ERICH1: variants seen among roughly 807,000 people sequenced by gnomAD.
ERICH1 encodes glutamate rich 1.
Under a neutral mutation model 39.6 loss-of-function variants are expected in ERICH1, and 56 were observed. The ratio of observed to expected loss-of-function variants is 1.41; its 90% CI spans 1.14 to 1.77. The LOEUF is 1.77. ERICH1 is among the 40% of genes most tolerant of loss of function. The probability of loss-of-function intolerance (pLI) is 0.00; values close to 1 mark genes in which losing one functional copy is unlikely to be tolerated. For synonymous variants in ERICH1, 313 were observed against 223.6 expected, an observed-to-expected ratio of 1.40 and a Z score of -3.57; for missense variants, 826 against 575.4, an observed-to-expected ratio of 1.44 and a Z score of -4.45.
At chr8:652,098 G>A (rs566812819) in intron 3 of ERICH1, among the ~76,000 whole-genome samples, 30 of 152,280 alleles carry the variant, frequency 2.0e-4, no homozygotes, top group South Asian at 8.3e-4. Context: ...TACCACCGAC[G>A]GCTCTGCACT....
In ERICH1 at chr8:673,598, C is replaced by T. The variant is rs780531622; in HGVS notation, c.754G>A (p.Asp252Asn). 3.2e-6 allele frequency: 5 copies of T among 1,550,986 alleles called. No individual in the cohort carries two copies. In the South Asian group the frequency reaches 5.7e-5, roughly 18 times the overall value. Residue 252 changes from aspartate to asparagine, a missense_variant, in exon 4 of 6, where the codon GAC becomes AAC. Coordinates refer to ENST00000262109, the MANE Select transcript of ERICH1 (RefSeq NM_207332.3). Reference sequence around the variant, plus strand: ...GGTGTCGGATCTTCCTCACTGGCGTCCGCACCCTCTTCCTGCCTGGCCCGT... The same window carrying T: ...GGTGTCGGATCTTCCTCACTGGCGTTCGCACCCTCTTCCTGCCTGGCCCGT... ...LTRARQEEGA[D>N]ASEEDPTPAG...
intron 3 of ERICH1, among the ~76,000 whole-genome samples, chr8:682,686 T>C (rs187279976): frequency 1.2e-4 from 19 of 152,364 alleles, no homozygotes; most frequent in Admixed American, 1.0e-3. Context: ...GGAGTCACAA[T>C]GTGTCAAAAC....
intron 3 of ERICH1, among the ~76,000 whole-genome samples, chr8:636,861 G>A (rs922303663): frequency 6.6e-6 from 1 of 152,220 alleles, no homozygotes; most frequent in Non-Finnish European, 1.5e-5. Flanking sequence ...CGTGTTGGGA[G>A]TCACCTTCTG....
chr8:629,903 A>G (rs1435471729), intron 3 of ERICH1, among the ~76,000 whole-genome samples: 103 of 133,222 alleles, frequency 7.7e-4, no homozygotes, highest in South Asian at 1.7e-3. Flanking sequence ...ACCCACACAG[A>G]CAGAGCTGAC....
In ERICH1 at chr8:673,793, T is replaced by C. The variant is rs745948420; in HGVS notation, c.559A>G (p.Ser187Gly). ...AGLAAKAAGV[S>G]FMYQPEDSSN... ...CTGTCCTCGGGCTGGTACATGAAAC[T>C]GACACCAGCAGCCTTTGCTGCCAAG... The change falls in exon 4 of 6, where the codon AGT (serine) becomes GGT (glycine). Residue 187 changes from serine (S) to glycine (G), a missense_variant. Physicochemically the swap from Ser to Gly is moderately conservative, Grantham distance 56. Coordinates refer to ENST00000262109, the MANE Select transcript of ERICH1 (RefSeq NM_207332.3). The C allele has an allele frequency of 6.2e-7, 1 of 1,614,228 alleles. No homozygotes were observed. The highest frequency in any genetic ancestry group is 1.3e-5 in the African/African-American group (1 of 75,084).
chr8:615,093 C>G (rs1309384757), exon 4 of ERICH1: 1 of 595,594 alleles, frequency 1.7e-6, no homozygotes, highest in Non-Finnish European at 3.0e-6. Context: ...CAGCTCTCGT[C>G]AGCCTTGCAA....
At chr8:627,808 T>C (rs1232946097) in intron 3 of ERICH1, among the ~76,000 whole-genome samples, 5 of 152,138 alleles carry the variant, frequency 3.3e-5, no homozygotes, top group Non-Finnish European at 7.4e-5. Flanking sequence ...TGTGTGGTCA[T>C]AGCAAAGAGC....
chr8:706,119 G>T (rs992721693), intron 2 of ERICH1, among the ~76,000 whole-genome samples: 64 of 152,200 alleles, frequency 4.2e-4, no homozygotes, highest in African/African-American at 1.5e-3. Context: ...CACAGCCCAG[G>T]CCTGCAGCTG....
At chr8:715,039 T>A (rs1426827861) in intron 2 of ERICH1, among the ~76,000 whole-genome samples, 1 of 152,104 alleles carries the variant, frequency 6.6e-6, no homozygotes, top group Admixed American at 6.5e-5. Context: ...GGTGGTCTAT[T>A]CCCGTGTCTC....
intron 3 of ERICH1, among the ~76,000 whole-genome samples, chr8:617,745 C>T (rs1797015015): frequency 6.7e-6 from 1 of 149,950 alleles, no homozygotes; most frequent in Non-Finnish European, 1.5e-5. Flanking sequence ...GCTCAGTGCT[C>T]AGTCTGTCCT....
rs1443525751 is a variant in ERICH1 at position 614,868 on chromosome 8, G to C, written c.*355C>G. The stretch of plus-strand genomic sequence containing the variant: ...TTCGTGACAGGTGGAAGTTGGATGG[G>C]AACAACCCACCCAGCCAATTAGGTT... On this transcript the variant is annotated 3_prime_UTR_variant, in exon 4 of 4. Coordinates refer to the ERICH1 transcript ENST00000522706. 6 of 207,408 alleles carry C rather than the reference G, an allele frequency of 2.9e-5. No individual in the cohort carries two copies. The East Asian group carries it at 6.4e-4, about 22-fold the overall frequency. The allele number at this position is 207,408 out of a possible 1,614,324, so 12.8% of individuals were successfully genotyped here. A position where few individuals can be genotyped will look rare whatever the true frequency, so the allele number is the denominator to read the frequency against.
chr8:727,400 G>A (rs1357677562), intron 1 of ERICH1, among the ~76,000 whole-genome samples: 1 of 152,216 alleles, frequency 6.6e-6, no homozygotes, highest in African/African-American at 2.4e-5. Context: ...ACTCCCTGAG[G>A]TGCAGGAGAA....
At chr8:626,286 A>G (rs1388978957) in intron 3 of ERICH1, 1 of 152,162 alleles carries the variant, frequency 6.6e-6, no homozygotes, top group Admixed American at 6.5e-5. Flanking sequence ...ATTCTCTGAC[A>G]ATTCTACTCA....
intron 3 of ERICH1, chr8:656,763 G>C: frequency 1.0e-6 from 1 of 985,442 alleles, no homozygotes; most frequent in Non-Finnish European, 1.2e-6. Context: ...AGCTAGTGTT[G>C]TGCCAAACGG....
rs571292727 is a variant in ERICH1, at chr8:642,580, G to C, written c.976+26018C>G. ...AGGATGGTCTCGATCTTCTGACCTC[G>C]TGATCTGCCCGCCTCGGCCTCCCAA... is the stretch of plus-strand genomic sequence containing the variant. On this transcript the variant is annotated intron_variant, in intron 3 of 3. Transcript: ENST00000522706. Among the ~76,000 whole-genome samples the C allele has an allele frequency of 1.3e-5, 2 of 151,822 alleles. 1 individual carries two copies. The highest frequency in any genetic ancestry group is 4.8e-5 in the African/African-American group (2 of 41,350).
chr8:685,973 C>T (rs1286281575), intron 3 of ERICH1, among the ~76,000 whole-genome samples: 4 of 139,212 alleles, frequency 2.9e-5, no homozygotes, highest in Admixed American at 1.5e-4. Context: ...GGTGAAACCC[C>T]GTCTCTACTA....
At chr8:649,560 T>C (rs1277861979) in intron 3 of ERICH1, among the ~76,000 whole-genome samples, 2 of 151,912 alleles carry the variant, frequency 1.3e-5, no homozygotes, top group Non-Finnish European at 2.9e-5. Context: ...GTGAGCCCTG[T>C]TGTCACCTTT....
intron 1 of ERICH1, among the ~76,000 whole-genome samples, chr8:723,917 C>A (rs1476521582): frequency 6.6e-6 from 1 of 152,046 alleles, no homozygotes; most frequent in African/African-American, 2.4e-5. Flanking sequence ...TACATCACTT[C>A]ACAAGAAAGA....
intron 1 of ERICH1, among the ~76,000 whole-genome samples, chr8:728,973 C>A (rs1351919383): frequency 6.6e-6 from 1 of 152,172 alleles, no homozygotes; most frequent in Non-Finnish European, 1.5e-5. Flanking sequence ...CCAACCTTTC[C>A]ACCTCATGTT....
Sources: gnomAD v4.1 joint callset for allele counts (sites outside exome capture counted in the v4.1 genomes callset) on GRCh38, gnomAD v4.1.1 for gene constraint, MANE v1.5 for transcripts, NCBI Gene and HGNC (gene_info 2026-07-23, HGNC 2026-07-21) for gene names.